Variants in PLA2G4A observed in about 807,000 individuals in gnomAD.
PLA2G4A encodes the protein phospholipase A2 group IVA, also known as cytosolic phospholipase A2.
Under a neutral mutation model 81.9 loss-of-function variants are expected in PLA2G4A, and 40 were observed. That is an observed-to-expected ratio of 0.49 (90% CI 0.38 to 0.64). The LOEUF is 0.64. Among genes scored for constraint, PLA2G4A ranks in the 30% least tolerant of loss-of-function variants. PLA2G4A has a pLI of 0.00. For missense variants in PLA2G4A, 715 were observed against 905.1 expected, an observed-to-expected ratio of 0.79 and a Z score of 2.69; for synonymous variants, 302 against 296.9, an observed-to-expected ratio of 1.02 and a Z score of -0.18.
rs12720524 is a variant in PLA2G4A at position 186,881,255 on chromosome 1, A to G, written c.115+10739A>G. Among the ~76,000 whole-genome samples the G allele has an allele frequency of 4.2e-3, 646 of 152,214 alleles. 3 individuals carry two copies. Among genetic ancestry groups the G allele is most frequent in the African/African-American group, 0.015 (617 of 41,556 alleles). ...TGAGAAAAAAGGAAATGAAATGTAC[A>G]GCTTAACTTGGAGACTGCCTAATAA... On this transcript the variant is annotated intron_variant, in intron 3 of 17. Transcript: ENST00000367466.
chr1:186,947,626 T>A (rs980920989), intron 12 of PLA2G4A, among the ~76,000 whole-genome samples: 2 of 152,118 alleles, frequency 1.3e-5, no homozygotes, highest in African/African-American at 4.8e-5. Context: ...AAACAAAAAA[T>A]TTATATTCAG....
chr1:186,922,767 C>A (rs1160533371), intron 7 of PLA2G4A, among the ~76,000 whole-genome samples: 2 of 152,224 alleles, frequency 1.3e-5, no homozygotes, highest in African/African-American at 4.8e-5. Context: ...AGACTCCTGT[C>A]TCAAGAGCTG....
At chr1:186,870,689 AT>A in intron 3 of PLA2G4A, 173 bp downstream of exon 3, 2 of 1,472,646 alleles carry the variant, frequency 1.4e-6, no homozygotes. Context: ...TCAGATTAGC[AT>A]TTTACCTGGG....
intron 5 of PLA2G4A, among the ~76,000 whole-genome samples, chr1:186,899,665 T>C (rs1654468987): frequency 6.6e-6 from 1 of 152,018 alleles, no homozygotes; most frequent in Non-Finnish European, 1.5e-5. Flanking sequence ...CTTACAGTAG[T>C]GGGTTATGGA....
intron 7 of PLA2G4A, among the ~76,000 whole-genome samples, chr1:186,912,980 AATC>A (rs1360434323): frequency 6.6e-6 from 1 of 151,002 alleles, no homozygotes; most frequent in African/African-American, 2.4e-5. Flanking sequence ...AAACTGTGGA[AATC>A]ATCATTATCG....
chr1:186,919,256 C>T (rs1029373663), intron 7 of PLA2G4A, among the ~76,000 whole-genome samples: 2 of 152,178 alleles, frequency 1.3e-5, no homozygotes, highest in Non-Finnish European at 2.9e-5. Flanking sequence ...ATCTGCAAAA[C>T]CCCACAGCTC....
chr1:186,981,642 G>A (rs549420332), intron 17 of PLA2G4A, among the ~76,000 whole-genome samples: 224 of 151,898 alleles, frequency 1.5e-3, no homozygotes, highest in Non-Finnish European at 2.6e-3. Context: ...TTGCATTATC[G>A]TGCAACCAAC....
chr1:186,979,787 A>C (rs1178837630), intron 17 of PLA2G4A, among the ~76,000 whole-genome samples: 1 of 151,778 alleles, frequency 6.6e-6, no homozygotes, highest in Non-Finnish European at 1.5e-5. Context: ...TGAAAAGGAA[A>C]TATGAGTAAA....
intron 15 of PLA2G4A, among the ~76,000 whole-genome samples, chr1:186,973,773 TTAAAAG>T (rs1657439479): frequency 1.3e-5 from 2 of 152,226 alleles, no homozygotes; most frequent in African/African-American, 2.4e-5. Flanking sequence ...ATGCCTTTTA[TTAAAAG>T]TAAGAGAGAC....
chr1:186,957,375 G>A (rs552119279), intron 14 of PLA2G4A, among the ~76,000 whole-genome samples: 225 of 152,330 alleles, frequency 1.5e-3, no homozygotes, highest in African/African-American at 5.0e-3. Flanking sequence ...GCTTTAGGCT[G>A]AGCTTTCAGG....
intron 3 of PLA2G4A, among the ~76,000 whole-genome samples, chr1:186,875,026 TG>T (rs1308214193): frequency 1.3e-5 from 2 of 152,098 alleles, no homozygotes; most frequent in Non-Finnish European, 2.9e-5. Context: ...TATGAGTCAC[TG>T]GGGGTTTTTA....
rs368936600 is a variant in PLA2G4A, at chr1:186,870,532, T to C, written c.115+16T>C. The C allele has an allele frequency of 2.6e-6, 4 of 1,555,642 alleles. No individual in the cohort carries two copies. Among genetic ancestry groups the C allele is most frequent in the Non-Finnish European group, 3.5e-6 (4 of 1,127,784 alleles). On this transcript the variant is annotated intron_variant, in intron 3 of 17. Transcript: ENST00000367466. ...GGTGACATGCGTAAGTGCCCTTTTT[T>C]TCTTTGCTGTTAAACATGTAATTAT... is the stretch of plus-strand genomic sequence containing the variant.
At chr1:186,830,986 CTTTCTTTCTTT>C (rs1391131996) in intron 1 of PLA2G4A, among the ~76,000 whole-genome samples, 49 of 139,316 alleles carry the variant, frequency 3.5e-4, no homozygotes, top group African/African-American at 1.2e-3. Context: ...TTCTTTCTTT[CTTTCTTTCTTT>C]CTTTCTTTCT....
At chr1:186,921,503 C>G (rs1655349264) in intron 7 of PLA2G4A, among the ~76,000 whole-genome samples, 1 of 152,178 alleles carries the variant, frequency 6.6e-6, no homozygotes, top group Admixed American at 6.5e-5. Context: ...TCATCTACCC[C>G]AGTATATTGC....
intron 3 of PLA2G4A, among the ~76,000 whole-genome samples, chr1:186,878,133 C>A (rs941182921): frequency 6.9e-6 from 1 of 144,728 alleles, no homozygotes; most frequent in Non-Finnish European, 1.5e-5. Context: ...ATAAATATAT[C>A]TTTTCTGATA....
chr1:186,935,357 A>G (rs1334668680), intron 8 of PLA2G4A, among the ~76,000 whole-genome samples: 1 of 150,968 alleles, frequency 6.6e-6, no homozygotes, highest in Non-Finnish European at 1.5e-5. Flanking sequence ...AAGGGAAGGA[A>G]GGAGCTCGGT....
intron 7 of PLA2G4A, among the ~76,000 whole-genome samples, chr1:186,931,104 C>G (rs1451104010): frequency 6.6e-6 from 1 of 152,130 alleles, no homozygotes; most frequent in East Asian, 1.9e-4. Flanking sequence ...TAGTTTCCTA[C>G]CTTAACTTTA....
At chr1:186,931,844 T>C (rs984796433) in intron 7 of PLA2G4A, among the ~76,000 whole-genome samples, 5 of 152,176 alleles carry the variant, frequency 3.3e-5, no homozygotes, top group African/African-American at 7.2e-5. Context: ...ATTCATGCCT[T>C]GGGATCCTTG....
chr1:186,896,289 A>G (rs996254748), intron 5 of PLA2G4A, among the ~76,000 whole-genome samples: 1 of 152,200 alleles, frequency 6.6e-6, no homozygotes, highest in African/African-American at 2.4e-5. Flanking sequence ...ATTACACCTT[A>G]AGAAAAGAGC....
Sources: allele counts gnomAD v4.1 joint callset (sites outside exome capture counted in the v4.1 genomes callset), GRCh38; gene constraint gnomAD v4.1.1; transcripts MANE v1.5; gene names NCBI Gene and HGNC (gene_info 2026-07-23, HGNC 2026-07-21).